The following ABCG8 variants were observed in gnomAD, a reference collection of about 807,000 sequenced individuals.
The protein encoded by ABCG8 is ATP-binding cassette sub-family G member 8.
In ABCG8, 81 loss-of-function variants were observed where a neutral mutation model predicts 71.3. That is an observed-to-expected ratio of 1.14 (90% CI 0.95 to 1.37). The LOEUF (loss-of-function observed/expected upper bound fraction) is 1.37, where lower values mean the gene tolerates loss of function less well. ABCG8 is among the 40% of genes most tolerant of loss of function. ABCG8 has a pLI of 0.00. For missense variants in ABCG8, 1,119 were observed against 866.2 expected, an observed-to-expected ratio of 1.29 and a Z score of -3.66; for synonymous variants, 451 against 354.7, an observed-to-expected ratio of 1.27 and a Z score of -3.05.
intron 6 of ABCG8, among the ~76,000 whole-genome samples, chr2:43,865,703 A>T (rs1189899694): frequency 7.1e-6 from 1 of 140,774 alleles, no homozygotes; most frequent in East Asian, 1.9e-4. Context: ...CTCAATATCT[A>T]TGTGGATAGA....
chr2:43,849,072 G>A (rs1442046811), intron 3 of ABCG8, among the ~76,000 whole-genome samples: 2 of 150,390 alleles, frequency 1.3e-5, no homozygotes, highest in Admixed American at 1.3e-4. Context: ...GCAGCCCTAG[G>A]CATTTTAGTT....
rs915933041 is a variant in ABCG8, at chr2:43,880,957, C to T, written c.*3044C>T. 1.3e-5 allele frequency: 2 copies of T among 152,382 alleles called. No individual in the cohort carries two copies. Among genetic ancestry groups the T allele is most frequent in the African/African-American group, 4.8e-5 (2 of 41,466 alleles). The allele number at this position is 152,382 out of a possible 1,614,324, so 9.4% of individuals were successfully genotyped here. ...TTTCCCTGAGTCTGCAGCTGTCTTC[C>T]TCACACTCCCGTGGCCCACCACAAC... On this transcript the variant is annotated 3_prime_UTR_variant, in exon 13 of 13. Transcript: ENST00000272286.
rs147660697 is a variant in ABCG8, at chr2:43,851,811, C to T, written c.550C>T (p.Arg184Cys). Residue 184 changes from arginine to cysteine, a missense_variant, in exon 4 of 13, where the codon CGT (arginine) becomes TGT (cysteine). Coordinates refer to ENST00000272286, the MANE Select transcript of ABCG8 (RefSeq NM_022437.3). Reference sequence around the variant, plus strand: ...GCCCAGAACCTTCTCCCAGGCCCAGCGTGACAAAAGGGTAACTAACTGGCC... The same window carrying T: ...GCCCAGAACCTTCTCCCAGGCCCAGTGTGACAAAAGGGTAACTAACTGGCC... ...RLPRTFSQAQ[R>C]DKRVEDVIAE... The T allele has an allele frequency of 2.0e-5, 33 of 1,614,034 alleles. No homozygotes were observed. Among genetic ancestry groups the T allele is most frequent in the East Asian group, 1.8e-4 (8 of 44,894 alleles).
intron 6 of ABCG8, among the ~76,000 whole-genome samples, chr2:43,856,239 A>G (rs1212365730): frequency 6.6e-6 from 1 of 151,660 alleles, no homozygotes; most frequent in Non-Finnish European, 1.5e-5. Flanking sequence ...TCTGGATAGA[A>G]TTCTCTCCAT....
At chr2:43,875,607 C>T (rs1319175833) in intron 11 of ABCG8, among the ~76,000 whole-genome samples, 194 bp downstream of exon 11, 3 of 152,228 alleles carry the variant, frequency 2.0e-5, no homozygotes, top group Admixed American at 6.5e-5. Flanking sequence ...TGCACCTCCT[C>T]CTATCCCACA....
At chr2:43,874,277 T>TA in intron 9 of ABCG8, 130 bp from the exon 10 acceptor site, 2 of 932,276 alleles carry the variant, frequency 2.1e-6, no homozygotes, top group Non-Finnish European at 1.7e-6. Flanking sequence ...CTGTGCCTAT[T>TA]TAAAAAAAAA....
At chr2:43,869,116 G>A (rs961130630) in intron 6 of ABCG8, among the ~76,000 whole-genome samples, 4 of 151,054 alleles carry the variant, frequency 2.6e-5, no homozygotes, top group Non-Finnish European at 4.4e-5. Flanking sequence ...TATCTATCTG[G>A]ATATAATTCT....
At chr2:43,874,060 G>A in intron 9 of ABCG8, 74 bp downstream of exon 9, 1 of 1,408,450 alleles carries the variant, frequency 7.1e-7, no homozygotes, top group Non-Finnish European at 9.4e-7. Context: ...AGCTCCTGGG[G>A]AGCGGGTTTG....
At chr2:43,864,720 G>T (rs1253291759) in intron 6 of ABCG8, among the ~76,000 whole-genome samples, 1 of 148,960 alleles carries the variant, frequency 6.7e-6, no homozygotes, top group Non-Finnish European at 1.5e-5. Context: ...CACCCTCTAG[G>T]TAGAACTCTC....
intron 1 of ABCG8, 145 bp downstream of exon 1, chr2:43,839,261 A>G: frequency 1.1e-6 from 1 of 910,414 alleles, no homozygotes; most frequent in South Asian, 1.6e-5. Flanking sequence ...TGTTTCCTGC[A>G]TGTCAAAGGG....
At chr2:43,871,002 A>C (rs1464849275) in intron 6 of ABCG8, among the ~76,000 whole-genome samples, 1 of 136,990 alleles carries the variant, frequency 7.3e-6, no homozygotes, top group African/African-American at 2.8e-5. Flanking sequence ...CTGTGTGGGA[A>C]TAGAACTCTC....
At position 43,882,800 on chromosome 2, in the gene ABCG8, C is replaced by T. The variant is rs930750594; in HGVS notation, c.*4887C>T. The T allele has an allele frequency of 6.6e-6, 1 of 152,208 alleles. No individual in the cohort carries two copies. Among genetic ancestry groups the T allele is most frequent in the African/African-American group, 2.4e-5 (1 of 41,446 alleles). 9.4% of individuals were successfully genotyped at this position (152,208 alleles called of 1,614,324 possible). A position where few individuals can be genotyped will look rare whatever the true frequency, so the allele number is the denominator to read the frequency against. ...TGTTAGCAGCTAATAATTAAAACAA[C>T]GTTTAAGCAGTGGGTTGAGATTTTT... On this transcript the variant is annotated 3_prime_UTR_variant, in exon 13 of 13. Coordinates refer to ENST00000272286, the MANE Select transcript of ABCG8 (RefSeq NM_022437.3).
intron 6 of ABCG8, among the ~76,000 whole-genome samples, chr2:43,859,099 TTCTGGATAGAATTCTCACTG>T (rs1272299684): frequency 1.3e-5 from 2 of 149,410 alleles, no homozygotes; most frequent in South Asian, 2.1e-4. Context: ...TCTCAGAACT[TTCTGGATAGAATTCTCACTG>T]TCTGGATAGA....
chr2:43,841,428 C>T (rs1463656362), intron 1 of ABCG8, among the ~76,000 whole-genome samples: 2 of 152,182 alleles, frequency 1.3e-5, no homozygotes, highest in Admixed American at 6.5e-5. Context: ...CGAATAGATA[C>T]TTAAGTATTT....
At chr2:43,863,860 A>G (rs1011053027) in intron 6 of ABCG8, among the ~76,000 whole-genome samples, 3 of 150,672 alleles carry the variant, frequency 2.0e-5, no homozygotes, top group South Asian at 2.1e-4. Context: ...CTATCTGTCT[A>G]GGTAGAATTC....
At chr2:43,875,902 A>G (rs981600411) in intron 11 of ABCG8, among the ~76,000 whole-genome samples, 1 of 151,758 alleles carries the variant, frequency 6.6e-6, no homozygotes, top group Non-Finnish European at 1.5e-5. Context: ...CGGCCTCCCC[A>G]GCTTTCTGAA....
At chr2:43,840,089 C>T (rs1178888705) in intron 1 of ABCG8, among the ~76,000 whole-genome samples, 1 of 152,206 alleles carries the variant, frequency 6.6e-6, no homozygotes, top group Non-Finnish European at 1.5e-5. Flanking sequence ...GATCCCCACT[C>T]CCACCACCTC....
Position 43,839,403 on chromosome 2 carries a change from C to CTTTTTTTTTTTTTTTTTTTTTTT in ABCG8, c.63+306_63+328dup, listed in dbSNP as rs537784677. 3.9e-4 allele frequency among the ~76,000 whole-genome samples: 23 copies of CTTTTTTTTTTTTTTTTTTTTTTT among 59,310 alleles called. 8 individuals are homozygous for CTTTTTTTTTTTTTTTTTTTTTTT. The highest frequency in any genetic ancestry group is 6.1e-4 in the Non-Finnish European group (19 of 31,220). 38.9% of individuals were successfully genotyped at this position (59,310 alleles called of 152,430 possible). A position where few individuals can be genotyped will look rare whatever the true frequency, so the allele number is the denominator to read the frequency against. ...CACTTTTTCTTTTTTCTTTTCTTCT[C>CTTTTTTTTTTTTTTTTTTTTTTT]TTTTTTTTTTTTTTTTTTTTTTTTT... On this transcript the variant is annotated intron_variant, in intron 1 of 12. Transcript: ENST00000272286.
intron 8 of ABCG8, 108 bp downstream of exon 8, chr2:43,872,414 G>C: frequency 7.6e-7 from 1 of 1,312,176 alleles, no homozygotes; most frequent in Non-Finnish European, 1.1e-6. Context: ...GTGAGAGGTA[G>C]AGTCATTTGA....
Sources: allele counts gnomAD v4.1 joint callset (sites outside exome capture counted in the v4.1 genomes callset), GRCh38; gene constraint gnomAD v4.1.1; transcripts MANE v1.5; gene names NCBI Gene and HGNC (gene_info 2026-07-23, HGNC 2026-07-21).